FAM178B: variants seen among roughly 807,000 people sequenced by gnomAD.
The protein encoded by FAM178B is protein FAM178B.
FAM178B carries 82 observed loss-of-function variants against 91.7 expected under a neutral mutation model. That is an observed-to-expected ratio of 0.89 (90% CI 0.75 to 1.07). FAM178B has a LOEUF of 1.07. FAM178B is among the 50% of genes least tolerant of loss of function. The pLI is 0.00. For missense variants in FAM178B, 769 were observed against 846.7 expected (o/e 0.91, Z 1.14); for synonymous variants, 368 against 359.4 (o/e 1.02, Z -0.27).
At chr2:96,924,948 T>A (rs1239413006) in intron 9 of FAM178B, among the ~76,000 whole-genome samples, 1 of 152,036 alleles carries the variant, frequency 6.6e-6, no homozygotes, top group Non-Finnish European at 1.5e-5. Flanking sequence ...GTCTCCGAGG[T>A]ACCAGGAAGT....
At chr2:96,925,718 C>T (rs765608181) in intron 9 of FAM178B, among the ~76,000 whole-genome samples, 7 of 152,148 alleles carry the variant, frequency 4.6e-5, no homozygotes, top group African/African-American at 7.2e-5. Context: ...GTTTCTGTCT[C>T]GGAGACACCG....
At chr2:96,943,755 G>T (rs2081772795) in intron 8 of FAM178B, among the ~76,000 whole-genome samples, 1 of 142,592 alleles carries the variant, frequency 7.0e-6, no homozygotes, top group South Asian at 2.1e-4. Context: ...CTCCCTTCAA[G>T]GAAAGCCCCT....
chr2:96,909,186 G>A (rs2081109276), intron 12 of FAM178B, among the ~76,000 whole-genome samples: 1 of 150,750 alleles, frequency 6.6e-6, no homozygotes, highest in Admixed American at 6.6e-5. Flanking sequence ...AAAACACCTT[G>A]AAGTCACCTA....
chr2:96,876,118 GGA>G lies in FAM178B; in HGVS notation c.*156_*157del, dbSNP rs2080235394. The G allele has an allele frequency of 2.9e-6, 2 of 698,106 alleles. No individual in the cohort carries two copies. Among genetic ancestry groups the G allele is most frequent in the African/African-American group, 1.8e-5 (1 of 55,878 alleles). The allele number at this position is 698,106 out of a possible 1,614,324, so 43.2% of individuals were successfully genotyped here. On this transcript the variant is annotated 3_prime_UTR_variant, in exon 17 of 17. Transcript: ENST00000490605. Reference sequence around the variant, plus strand: ...TGGCAGAGGCAGGCTCTTGCAGAGAGGAGAGGGGTCGGGGCGGTGGCAGGGGC... The same window carrying G: ...TGGCAGAGGCAGGCTCTTGCAGAGAGGAGGGGTCGGGGCGGTGGCAGGGGC...
chr2:96,947,193 A>G (rs1346176150), intron 8 of FAM178B, among the ~76,000 whole-genome samples: 1 of 152,200 alleles, frequency 6.6e-6, no homozygotes, highest in Non-Finnish European at 1.5e-5. Context: ...GGGAGGGTGC[A>G]GCCACTAGGG....
chr2:96,930,573 T>C (rs1172688477), intron 8 of FAM178B, among the ~76,000 whole-genome samples: 2 of 152,190 alleles, frequency 1.3e-5, no homozygotes, highest in East Asian at 3.8e-4. Context: ...GGGCCACATC[T>C]GTGTTGGTCA....
chr2:96,877,136 C>A (rs1349441391), intron 16 of FAM178B, among the ~76,000 whole-genome samples: 1 of 152,114 alleles, frequency 6.6e-6, no homozygotes, highest in Non-Finnish European at 1.5e-5. Context: ...GACTATCACA[C>A]CTACAGGCTC....
intron 7 of FAM178B, 84 bp from the exon 8 acceptor site, chr2:96,947,986 C>T (rs943873922): frequency 7.9e-5 from 55 of 694,314 alleles, no homozygotes; most frequent in South Asian, 1.5e-4. Context: ...TCTATTACTC[C>T]ACGTTAAATA....
chr2:96,883,156 C>T (rs2080430868), intron 14 of FAM178B, among the ~76,000 whole-genome samples: 1 of 152,170 alleles, frequency 6.6e-6, no homozygotes, highest in Non-Finnish European at 1.5e-5. Context: ...GGACTGTCAC[C>T]AGAGGAAGGG....
intron 13 of FAM178B, among the ~76,000 whole-genome samples, chr2:96,894,634 ACCC>A (rs1323813273): frequency 4.2e-5 from 1 of 23,768 alleles, no homozygotes; most frequent in African/African-American, 1.9e-4. Flanking sequence ...CCCCCCACAG[ACCC>A]CCCACCCACA....
At chr2:96,916,569 A>G (rs2081244241) in intron 12 of FAM178B, among the ~76,000 whole-genome samples, 1 of 152,206 alleles carries the variant, frequency 6.6e-6, no homozygotes, top group South Asian at 2.1e-4. Context: ...AGAAGTGGGG[A>G]TGGCATGCTG....
intron 13 of FAM178B, chr2:96,897,903 C>T: frequency 2.1e-6 from 2 of 964,308 alleles, no homozygotes; most frequent in Non-Finnish European, 2.5e-6. Flanking sequence ...GCTAACTGAG[C>T]CTCCACTTGC....
chr2:96,972,150 C>G lies in FAM178B; in HGVS notation c.315G>C (p.Thr105=). The G allele has an allele frequency of 6.5e-7, 1 of 1,541,062 alleles. No homozygotes were observed. Among genetic ancestry groups the G allele is most frequent in the African/African-American group, 1.4e-5 (1 of 72,846 alleles). The change falls in exon 3 of 17, where the codon ACG becomes ACC. Residue 105 remains threonine, a synonymous_variant. Transcript: ENST00000490605. ...GCGGGGGGCTCCAGTCAGTGGGAAACGTTTCCCCAGGTGCCTGTATCTTGG... is the reference window on the plus strand; with the variant it reads ...GCGGGGGGCTCCAGTCAGTGGGAAAGGTTTCCCCAGGTGCCTGTATCTTGG... The part of the protein sequence containing the change: ...KKPKIQAPGE[T]FPTDWSPPPV...
chr2:96,971,819 G>T, intron 3 of FAM178B, 82 bp downstream of exon 3: 1 of 1,308,856 alleles, frequency 7.6e-7, no homozygotes, highest in Non-Finnish European at 1.0e-6. Context: ...TGGCTCAGGA[G>T]AGGGTGGCCT....
chr2:96,948,301 C>G (rs2081864978), intron 7 of FAM178B, among the ~76,000 whole-genome samples: 2 of 152,238 alleles, frequency 1.3e-5, no homozygotes, highest in Non-Finnish European at 2.9e-5. Context: ...TCATCACAGG[C>G]AGCAGGACAA....
Position 96,970,755 on chromosome 2 carries a change from C to A in FAM178B, c.587G>T (p.Ser196Ile). 6.4e-7 allele frequency: 1 copy of A among 1,551,368 alleles called. No homozygotes were observed. The highest frequency in any genetic ancestry group is 8.7e-7 in the Non-Finnish European group (1 of 1,146,818). Residue 196 changes from serine (S) to isoleucine (I), a missense_variant, in exon 4 of 17, where the codon AGC becomes ATC. Coordinates refer to ENST00000490605, the MANE Select transcript of FAM178B (RefSeq NM_001122646.3). Reference protein sequence around the residue: ...APEFSWGGSGSYFNNLDYLLQ... With the variant: ...APEFSWGGSGIYFNNLDYLLQ... ...TAAGTAGTCCAGGTTGTTGAAGTAG[C>A]TTCCTGAGCCCCCCCAGGAAAACTG... is the stretch of plus-strand genomic sequence containing the variant.
intron 1 of FAM178B, chr2:96,978,033 C>T (rs909463779): frequency 1.5e-5 from 6 of 400,976 alleles, no homozygotes; most frequent in South Asian, 9.0e-5. Context: ...AAAAAAATGA[C>T]ACAACTTCTC....
intron 5 of FAM178B, among the ~76,000 whole-genome samples, chr2:96,962,258 C>T (rs1237673978): frequency 1.3e-5 from 2 of 151,892 alleles, no homozygotes; most frequent in African/African-American, 4.8e-5. Context: ...GCCGAGATTG[C>T]ACCGCTGCAC....
intron 8 of FAM178B, among the ~76,000 whole-genome samples, chr2:96,939,680 G>A (rs2081693686): frequency 6.6e-6 from 1 of 152,132 alleles, no homozygotes; most frequent in Non-Finnish European, 1.5e-5. Context: ...AGAGGGTGAG[G>A]TAAAATGAGC....
Sources: gnomAD v4.1 joint callset for allele counts (sites outside exome capture counted in the v4.1 genomes callset) on GRCh38, gnomAD v4.1.1 for gene constraint, MANE v1.5 for transcripts, NCBI Gene and HGNC (gene_info 2026-07-23, HGNC 2026-07-21) for gene names.